The following BABAM2 variants were observed in gnomAD, a reference collection of about 807,000 sequenced individuals.
BABAM2 encodes BRISC and BRCA1-A complex member 2.
Under a neutral mutation model 54.7 loss-of-function variants are expected in BABAM2, and 31 were observed. The observed-to-expected ratio is 0.57, with a 90% CI of 0.43 to 0.77. BABAM2 has a LOEUF of 0.77. Among genes scored for constraint, BABAM2 ranks in the 30% least tolerant of loss-of-function variants. The pLI is 0.00. For synonymous variants in BABAM2, 167 were observed against 162.9 expected, an observed-to-expected ratio of 1.03 and a Z score of -0.19; for missense variants, 364 against 455.8, an observed-to-expected ratio of 0.80 and a Z score of 1.83.
chr2:28,143,542 ATAT>A (rs1671242856), intron 7 of BABAM2, among the ~76,000 whole-genome samples: 1 of 152,192 alleles, frequency 6.6e-6, no homozygotes, highest in South Asian at 2.1e-4. Flanking sequence ...AGTGATGAAC[ATAT>A]TATTTGTTTT....
intron 10 of BABAM2, among the ~76,000 whole-genome samples, chr2:28,252,355 T>C (rs1197651410): frequency 1.3e-5 from 2 of 152,210 alleles, no homozygotes; most frequent in Non-Finnish European, 2.9e-5. Flanking sequence ...TGGGAACTAC[T>C]GAGTCCTTTA....
chr2:28,062,268 A>AC (rs1462955621), intron 6 of BABAM2, among the ~76,000 whole-genome samples: 2 of 151,298 alleles, frequency 1.3e-5, no homozygotes, highest in Admixed American at 6.6e-5. Context: ...AAAAAAAAAA[A>AC]AAAAACAAAA....
At position 28,237,139 on chromosome 2, in the gene BABAM2, G is replaced by T. The variant is rs547170265; in HGVS notation, c.681-63G>T. ...ATGAGAGAAGCCAAGTCTGCTTGGGGGTGTCACTTCTTAAGTTGCTTGAGC... is the reference window on the plus strand; with the variant it reads ...ATGAGAGAAGCCAAGTCTGCTTGGGTGTGTCACTTCTTAAGTTGCTTGAGC... On this transcript the variant is annotated intron_variant, in intron 7 of 11. Coordinates refer to ENST00000379624, the MANE Select transcript of BABAM2 (RefSeq NM_199191.3). The T allele has an allele frequency of 5.5e-4, 772 of 1,404,708 alleles. 2 individuals are homozygous for T. The highest frequency in any genetic ancestry group is 7.7e-4 in the Admixed American group (45 of 58,686). The allele number at this position is 1,404,708 out of a possible 1,614,324, so 87.0% of individuals were successfully genotyped here. A position where few individuals can be genotyped will look rare whatever the true frequency, so the allele number is the denominator to read the frequency against.
intron 5 of BABAM2, among the ~76,000 whole-genome samples, chr2:28,028,595 G>T (rs986735775): frequency 6.6e-6 from 1 of 152,150 alleles, no homozygotes; most frequent in Non-Finnish European, 1.5e-5. Context: ...CTGGAACAGT[G>T]TCTTCCACTT....
chr2:28,041,092 A>T (rs996759461), intron 5 of BABAM2, among the ~76,000 whole-genome samples: 2 of 152,258 alleles, frequency 1.3e-5, no homozygotes, highest in Admixed American at 1.3e-4. Flanking sequence ...TCCAAGTGCT[A>T]AATATGTAAT....
At chr2:28,053,161 A>G (rs948716917) in intron 6 of BABAM2, among the ~76,000 whole-genome samples, 4 of 152,242 alleles carry the variant, frequency 2.6e-5, no homozygotes, top group African/African-American at 9.6e-5. Context: ...ATAAGAATAT[A>G]TAAATTCAAA....
chr2:28,062,031 G>A (rs1339677810), intron 6 of BABAM2, among the ~76,000 whole-genome samples: 1 of 152,128 alleles, frequency 6.6e-6, no homozygotes, highest in African/African-American at 2.4e-5. Context: ...GTCCAAGTCA[G>A]GGGATCACCT....
chr2:28,327,317 G>A (rs754562559), intron 11 of BABAM2: 2 of 1,613,620 alleles, frequency 1.2e-6, no homozygotes, highest in Admixed American at 3.3e-5. Context: ...GTGGGAGCAA[G>A]TCCTGGCCTT....
rs1194154152 is a variant in BABAM2 at position 28,129,303 on chromosome 2, C to T, written c.603C>T (p.Ala201=). ...ATGAAGACCCTGGAGAAGATGTGGCCCTCCTCTCTGTTAGTTTTGAGGACA... is the reference window on the plus strand; with the variant it reads ...ATGAAGACCCTGGAGAAGATGTGGCTCTCCTCTCTGTTAGTTTTGAGGACA... ...DVNEDPGEDV[A]LLSVSFEDTE... Residue 201 remains alanine, a synonymous_variant, in exon 7 of 12, where the codon GCC becomes GCT. Coordinates refer to ENST00000379624, the MANE Select transcript of BABAM2 (RefSeq NM_199191.3). The T allele has an allele frequency of 6.8e-6, 11 of 1,613,904 alleles. No individual in the cohort carries two copies. Among genetic ancestry groups the T allele is most frequent in the Non-Finnish European group, 9.3e-6 (11 of 1,179,970 alleles).
At chr2:27,923,408 C>G (rs1316450745) in intron 2 of BABAM2, among the ~76,000 whole-genome samples, 1 of 151,870 alleles carries the variant, frequency 6.6e-6, no homozygotes, top group South Asian at 2.1e-4. Context: ...TGCTTGAGGT[C>G]AGGAATTCGA....
chr2:28,095,527 A>G (rs1385607111), intron 6 of BABAM2, among the ~76,000 whole-genome samples: 2 of 152,196 alleles, frequency 1.3e-5, no homozygotes, highest in Non-Finnish European at 2.9e-5. Context: ...TTCATAGTCC[A>G]GTACTCATTA....
At chr2:28,145,099 C>G (rs1003780305) in intron 7 of BABAM2, among the ~76,000 whole-genome samples, 12 of 152,118 alleles carry the variant, frequency 7.9e-5, no homozygotes, top group African/African-American at 2.7e-4. Context: ...TAACAAGTAC[C>G]CTTAGTGATT....
intron 6 of BABAM2, among the ~76,000 whole-genome samples, chr2:28,093,315 G>A (rs1666320633): frequency 6.6e-6 from 1 of 152,178 alleles, no homozygotes; most frequent in Admixed American, 6.5e-5. Context: ...GAAAGGCTCA[G>A]GGGAGGCTGA....
intron 3 of BABAM2, among the ~76,000 whole-genome samples, chr2:27,957,348 AT>A (rs923734615): frequency 6.6e-6 from 1 of 151,792 alleles, no homozygotes; most frequent in Admixed American, 6.6e-5. Context: ...GATGGCCTCC[AT>A]TTTTTTTGGC....
In BABAM2 at chr2:28,259,702, A is replaced by C. The variant is rs1459011919; in HGVS notation, c.934+14840A>C. Among the ~76,000 whole-genome samples, 30 of 152,128 alleles carry C rather than the reference A, an allele frequency of 2.0e-4. 1 individual carries two copies. The highest frequency in any genetic ancestry group is 2.0e-3 in the Admixed American group (30 of 15,270). ...TAATTTTAAAAATGTTTTCTTTTAG[A>C]AAGTTTCTAGTTTTAGCTCTAAAAT... On this transcript the variant is annotated intron_variant, in intron 10 of 11. Coordinates refer to ENST00000379624, the MANE Select transcript of BABAM2 (RefSeq NM_199191.3).
chr2:28,064,875 T>A lies in BABAM2; in HGVS notation c.570+19076T>A, dbSNP rs1573506130. ...AAAATTAGCCAGATGTGGTGGCGGG[T>A]GCCTGTAATCCCAGCTACTCGGGAG... On this transcript the variant is annotated intron_variant, in intron 6 of 11. Transcript: ENST00000379624. Among the ~76,000 whole-genome samples the A allele has an allele frequency of 2.6e-5, 4 of 151,936 alleles. No homozygotes were observed. The South Asian group carries it at 6.2e-4, about 24-fold the overall frequency.
intron 10 of BABAM2, among the ~76,000 whole-genome samples, chr2:28,245,167 T>A (rs554007175): frequency 6.6e-6 from 1 of 152,134 alleles, no homozygotes; most frequent in South Asian, 2.1e-4. Context: ...CAGCTAAACA[T>A]CCTACAATGC....
intron 3 of BABAM2, among the ~76,000 whole-genome samples, chr2:27,982,684 C>CTTT (rs931484821): frequency 2.7e-5 from 4 of 150,918 alleles, no homozygotes; most frequent in African/African-American, 7.3e-5. Context: ...CAGTAGTGTA[C>CTTT]TTTTATGAAA....
rs1688327604 is a variant in BABAM2, at chr2:28,304,182, A to G, written c.1088+5691A>G. On this transcript the variant is annotated intron_variant, in intron 11 of 11. Transcript: ENST00000379624. This position sits in a 1 kb window ranked among gnomAD's most constrained non-coding sequence, Gnocchi z 4.0. ...GTGATTGTCCTGTCTCAGCCTTCCT[A>G]GTAGCTGGGATTACAGGCGCCCGCC... 1.3e-5 allele frequency among the ~76,000 whole-genome samples: 2 copies of G among 151,174 alleles called. No homozygotes were observed. Among genetic ancestry groups the G allele is most frequent in the African/African-American group, 4.9e-5 (2 of 41,210 alleles).
Sources: gnomAD v4.1 joint callset for allele counts (sites outside exome capture counted in the v4.1 genomes callset) on GRCh38, gnomAD v4.1.1 for gene constraint, Gnocchi (gnomAD v3.1) non-coding constraint, MANE v1.5 for transcripts, NCBI Gene and HGNC (gene_info 2026-07-23, HGNC 2026-07-21) for gene names.